SYNPR: variants seen among roughly 807,000 people sequenced by gnomAD.
SYNPR encodes synaptoporin.
Under a neutral mutation model 32.9 loss-of-function variants are expected in SYNPR, and 23 were observed. The observed-to-expected ratio is 0.70, with a 90% CI of 0.50 to 0.99. The LOEUF (loss-of-function observed/expected upper bound fraction) is 0.99. SYNPR is among the 50% of genes least tolerant of loss of function. The pLI is 0.00. For synonymous variants in SYNPR, 146 were observed against 135.9 expected (o/e 1.07, Z -0.52); for missense variants, 318 against 349.3 (o/e 0.91, Z 0.71).
At chr3:63,452,080 T>G in intron 2 of SYNPR, 1 of 702,284 alleles carries the variant, frequency 1.4e-6, no homozygotes, top group South Asian at 1.5e-5. Flanking sequence ...AAGAAAGGGT[T>G]TCTCAAACGT....
intron 2 of SYNPR, among the ~76,000 whole-genome samples, chr3:63,291,976 C>T (rs1679651121): frequency 6.6e-6 from 1 of 152,122 alleles, no homozygotes; most frequent in Admixed American, 6.5e-5. Flanking sequence ...ATGGGATAGC[C>T]TACTACACAC....
At chr3:63,571,289 T>C (rs369089200) in intron 4 of SYNPR, among the ~76,000 whole-genome samples, 4 of 152,198 alleles carry the variant, frequency 2.6e-5, no homozygotes, top group African/African-American at 9.6e-5. Flanking sequence ...AAATTAAAAA[T>C]AGTATACCTG....
intron 2 of SYNPR, among the ~76,000 whole-genome samples, chr3:63,305,842 G>A (rs749032983): frequency 1.6e-4 from 25 of 151,848 alleles, no homozygotes; most frequent in East Asian, 5.8e-4. Flanking sequence ...GACTTCCTTC[G>A]TTATAAAATG....
rs899476483 is a variant in SYNPR at position 63,430,918 on chromosome 3, C to T, written c.85-49914C>T. Among the ~76,000 whole-genome samples, 17 of 152,274 alleles carry T rather than the reference C, an allele frequency of 1.1e-4. No homozygotes were observed. In the East Asian group the frequency reaches 3.3e-3, roughly 29 times the overall value. On this transcript the variant is annotated intron_variant, in intron 2 of 5. Coordinates refer to ENST00000478300, the MANE Select transcript of SYNPR (RefSeq NM_001130003.2). The stretch of plus-strand genomic sequence containing the variant: ...AGCTTCTTTCCTCTTTTCCTCTTCA[C>T]AGAGTGGGTGACAACTGAGCTGGGT...
At chr3:63,226,084 C>T (rs146658219), upstream of SYNPR, among the ~76,000 whole-genome samples, 2 of 152,206 alleles carry the variant, frequency 1.3e-5, no homozygotes, top group Admixed American at 6.5e-5. Flanking sequence ...AAATGGCCAA[C>T]GGATAAATGT....
chr3:63,554,866 A>C (rs1157085462), intron 3 of SYNPR, among the ~76,000 whole-genome samples: 1 of 151,984 alleles, frequency 6.6e-6, no homozygotes, highest in Non-Finnish European at 1.5e-5. Context: ...ATTTCCATTT[A>C]TTTGTGTCAT....
intron 2 of SYNPR, among the ~76,000 whole-genome samples, chr3:63,255,763 T>G (rs1023971532): frequency 6.6e-6 from 1 of 152,020 alleles, no homozygotes. Flanking sequence ...GGACAGTGGG[T>G]GCAGTGCACC....
At chr3:63,231,315 G>C (rs543690873) in intron 1 of SYNPR, among the ~76,000 whole-genome samples, 1 of 152,176 alleles carries the variant, frequency 6.6e-6, no homozygotes, top group South Asian at 2.1e-4. Context: ...AATCGACTCT[G>C]GGGACTGGTG....
intron 2 of SYNPR, among the ~76,000 whole-genome samples, chr3:63,336,705 G>A (rs1468724808): frequency 6.6e-6 from 1 of 151,726 alleles, no homozygotes; most frequent in African/African-American, 2.4e-5. Flanking sequence ...ATGATTATTA[G>A]ATACATCACC....
At chr3:63,255,525 G>A (rs895833570) in intron 2 of SYNPR, among the ~76,000 whole-genome samples, 3 of 152,096 alleles carry the variant, frequency 2.0e-5, no homozygotes, top group African/African-American at 4.8e-5. Context: ...CTTTTTAGAT[G>A]GGCAAAATGT....
intron 2 of SYNPR, among the ~76,000 whole-genome samples, chr3:63,328,557 A>G (rs1441157012): frequency 2.6e-5 from 4 of 152,194 alleles, no homozygotes; most frequent in African/African-American, 9.6e-5. Flanking sequence ...GGCAATGAAC[A>G]TAAAAGCAAA....
chr3:63,395,804 T>C (rs1050837864), intron 2 of SYNPR, among the ~76,000 whole-genome samples: 2 of 152,210 alleles, frequency 1.3e-5, no homozygotes, highest in Admixed American at 1.3e-4. Context: ...AGGATCATAC[T>C]TAAATGTTCT....
upstream of SYNPR, among the ~76,000 whole-genome samples, chr3:63,274,967 C>T (rs1314893808): frequency 6.6e-6 from 1 of 152,082 alleles, no homozygotes. Flanking sequence ...CTTGGCATAT[C>T]AAAGGAAGTA....
intron 2 of SYNPR, among the ~76,000 whole-genome samples, chr3:63,257,502 A>C (rs1280913644): frequency 1.3e-5 from 2 of 152,114 alleles, no homozygotes; most frequent in Non-Finnish European, 2.9e-5. Context: ...AAAATCCTTT[A>C]CAGACAAGCA....
intron 2 of SYNPR, among the ~76,000 whole-genome samples, chr3:63,444,593 A>C (rs1700238832): frequency 6.6e-6 from 1 of 152,190 alleles, no homozygotes; most frequent in Admixed American, 6.6e-5. Flanking sequence ...AGTTGGGAAT[A>C]TCATGCAGGC....
At chr3:63,364,304 TA>T (rs1234968585) in intron 2 of SYNPR, among the ~76,000 whole-genome samples, 1 of 152,168 alleles carries the variant, frequency 6.6e-6, no homozygotes, top group Non-Finnish European at 1.5e-5. Flanking sequence ...GTGATGCTTT[TA>T]AAAAGGTGGG....
At chr3:63,313,399 G>T (rs1008061180) in intron 2 of SYNPR, among the ~76,000 whole-genome samples, 1 of 151,494 alleles carries the variant, frequency 6.6e-6, no homozygotes, top group African/African-American at 2.4e-5. Context: ...AAAATCCATT[G>T]TATTATTCTT....
chr3:63,377,197 A>G (rs1438186363), intron 2 of SYNPR, among the ~76,000 whole-genome samples: 3 of 152,206 alleles, frequency 2.0e-5, no homozygotes, highest in Non-Finnish European at 2.9e-5. Context: ...GAAAGAGCAC[A>G]TAAGAAATAA....
chr3:63,298,894 CCT>C (rs1309371384), intron 2 of SYNPR, among the ~76,000 whole-genome samples: 1 of 152,026 alleles, frequency 6.6e-6, no homozygotes, highest in Non-Finnish European at 1.5e-5. Flanking sequence ...CCTGGCTGCC[CCT>C]GTTTGCAAAA....
Sources: gnomAD v4.1 joint callset for allele counts (sites outside exome capture counted in the v4.1 genomes callset) on GRCh38, gnomAD v4.1.1 for gene constraint, MANE v1.5 for transcripts, NCBI Gene and HGNC (gene_info 2026-07-23, HGNC 2026-07-21) for gene names.